SAMTOR: variants seen among roughly 807,000 people sequenced by gnomAD.
The protein encoded by SAMTOR is S-adenosylmethionine sensor upstream of mTORC1, also known as UPF0532 protein C7orf60.
the SAMTOR span, among the ~76,000 whole-genome samples, chr7:112,935,025 G>T: frequency 1.3e-5 from 2 of 152,086 alleles, no homozygotes; most frequent in Non-Finnish European, 2.9e-5. Context: ...TGTTGGGAAT[G>T]GCAGTTCAAA....
the SAMTOR span, among the ~76,000 whole-genome samples, chr7:112,896,160 G>T: frequency 6.6e-6 from 1 of 152,088 alleles, no homozygotes; most frequent in South Asian, 2.1e-4. Context: ...GTCCCTCTGG[G>T]TTTATGATAA....
At chr7:112,922,167 G>A in the SAMTOR span, among the ~76,000 whole-genome samples, 1 of 152,180 alleles carries the variant, frequency 6.6e-6, no homozygotes, top group Non-Finnish European at 1.5e-5. Context: ...TGTGTTGGCC[G>A]GGCTGGTCTC....
the SAMTOR span, chr7:112,939,697 G>A: frequency 2.5e-6 from 4 of 1,611,842 alleles, no homozygotes; most frequent in South Asian, 1.1e-5. Context: ...GAGTGTTCGG[G>A]GACCCGGCCC....
At chr7:112,872,385 T>A in the SAMTOR span, among the ~76,000 whole-genome samples, 1 of 152,024 alleles carries the variant, frequency 6.6e-6, no homozygotes, top group Non-Finnish European at 1.5e-5. Flanking sequence ...ATCATCTCAC[T>A]AGATACAGAA....
chr7:112,903,477 T>C, the SAMTOR span, among the ~76,000 whole-genome samples: 2 of 152,052 alleles, frequency 1.3e-5, no homozygotes, highest in Admixed American at 6.5e-5. Context: ...AAGGACACTA[T>C]TGTGAAAATT....
At chr7:112,924,217 C>G in the SAMTOR span, among the ~76,000 whole-genome samples, 3 of 151,760 alleles carry the variant, frequency 2.0e-5, no homozygotes, top group Admixed American at 6.6e-5. Flanking sequence ...AGAAAAAAAA[C>G]TATAAATAGA....
chr7:112,865,273 A>AC, the SAMTOR span, among the ~76,000 whole-genome samples: 21 of 151,200 alleles, frequency 1.4e-4, no homozygotes, highest in African/African-American at 3.2e-4. Flanking sequence ...ACACAGCAAG[A>AC]CCCCCCATCT....
chr7:112,898,597 C>G, the SAMTOR span, among the ~76,000 whole-genome samples: 1 of 152,102 alleles, frequency 6.6e-6, no homozygotes, highest in Admixed American at 6.5e-5. Flanking sequence ...CAAGTCCCTG[C>G]AGGATTCATT....
the SAMTOR span, among the ~76,000 whole-genome samples, chr7:112,837,389 A>G: frequency 6.6e-6 from 1 of 152,014 alleles, no homozygotes. Context: ...AAACAGAGAT[A>G]GTTGGACTTC....
At chr7:112,831,957 A>T in the SAMTOR span, among the ~76,000 whole-genome samples, 1 of 152,118 alleles carries the variant, frequency 6.6e-6, no homozygotes, top group Non-Finnish European at 1.5e-5. Context: ...AAATATAACA[A>T]AATGCAAAAC....
the SAMTOR span, among the ~76,000 whole-genome samples, chr7:112,934,339 A>C: frequency 4.6e-5 from 7 of 152,202 alleles, no homozygotes; most frequent in Admixed American, 2.0e-4. Context: ...CAAAGGATAG[A>C]TTGCAAACTA....
At chr7:112,845,423 C>T in the SAMTOR span, among the ~76,000 whole-genome samples, 1 of 151,980 alleles carries the variant, frequency 6.6e-6, no homozygotes, top group Non-Finnish European at 1.5e-5. Context: ...AAAAAGTGGG[C>T]AAAGGACATA....
the SAMTOR span, among the ~76,000 whole-genome samples, chr7:112,835,759 G>A: frequency 6.6e-6 from 1 of 152,056 alleles, no homozygotes; most frequent in Non-Finnish European, 1.5e-5. Flanking sequence ...TCCTGAATTA[G>A]TTTGCTTAGG....
the SAMTOR span, among the ~76,000 whole-genome samples, chr7:112,855,366 C>A: frequency 6.6e-6 from 1 of 152,202 alleles, no homozygotes; most frequent in Admixed American, 6.5e-5. Flanking sequence ...CACCCAATTC[C>A]ATAGGTCAAA....
the SAMTOR span, among the ~76,000 whole-genome samples, chr7:112,828,302 G>T: frequency 6.6e-6 from 1 of 152,160 alleles, no homozygotes; most frequent in African/African-American, 2.4e-5. Context: ...ATTGTGGGAA[G>T]ATTTCTTCCT....
chr7:112,863,789 A>G, the SAMTOR span, among the ~76,000 whole-genome samples: 1 of 152,240 alleles, frequency 6.6e-6, no homozygotes, highest in Admixed American at 6.5e-5. Context: ...GTGGGGAAAA[A>G]GGAATGCTTA....
At chr7:112,906,868 C>A in the SAMTOR span, among the ~76,000 whole-genome samples, 1 of 152,110 alleles carries the variant, frequency 6.6e-6, no homozygotes, top group Non-Finnish European at 1.5e-5. Flanking sequence ...CCATGCCCGG[C>A]CGACGTATCT....
the SAMTOR span, among the ~76,000 whole-genome samples, chr7:112,858,324 C>T: frequency 6.6e-6 from 1 of 150,798 alleles, no homozygotes; most frequent in Non-Finnish European, 1.5e-5. Flanking sequence ...CTTGATTATA[C>T]AGCCATTAAA....
At chr7:112,832,614 G>A in the SAMTOR span, 2 of 1,613,554 alleles carry the variant, frequency 1.2e-6, no homozygotes, top group African/African-American at 2.7e-5. Context: ...TCAAACTTCA[G>A]AAATGGGTTA....
Sources: gnomAD v4.1 joint callset for allele counts (sites outside exome capture counted in the v4.1 genomes callset) on GRCh38, gnomAD v4.1.1 for gene constraint, MANE v1.5 for transcripts, NCBI Gene and HGNC (gene_info 2026-07-23, HGNC 2026-07-21) for gene names.